Variants in FBXO4 observed in about 807,000 individuals in gnomAD.
FBXO4 encodes the protein F-box only protein 4.
In FBXO4, 36 loss-of-function variants were observed where a neutral mutation model predicts 43.7. The observed-to-expected ratio is 0.82, with a 90% CI of 0.63 to 1.09. The LOEUF is 1.09. Ranked by LOEUF, FBXO4 falls within the 50% of genes least tolerant of loss-of-function variation. FBXO4 has a pLI of 0.00. For missense variants in FBXO4, 435 were observed against 474.1 expected (o/e 0.92, Z 0.77); for synonymous variants, 180 against 165.6 (o/e 1.09, Z -0.67).
the FBXO4 span, among the ~76,000 whole-genome samples, chr5:41,954,364 A>G: frequency 5.9e-5 from 9 of 152,344 alleles, no homozygotes; most frequent in East Asian, 1.2e-3. Context: ...AGAAACAATA[A>G]CAATTCTATT....
the FBXO4 span, among the ~76,000 whole-genome samples, chr5:42,023,071 C>T: frequency 6.6e-6 from 1 of 151,970 alleles, no homozygotes; most frequent in Non-Finnish European, 1.5e-5. Flanking sequence ...TGATGCACTC[C>T]ATTGTCTGAC....
chr5:41,989,341 C>T, the FBXO4 span, among the ~76,000 whole-genome samples: 1 of 152,030 alleles, frequency 6.6e-6, no homozygotes, highest in African/African-American at 2.4e-5. Context: ...TTTACAGTAG[C>T]ATTTTAAAGC....
At chr5:41,999,469 A>ATATATATATG in the FBXO4 span, among the ~76,000 whole-genome samples, 21 of 37,110 alleles carry the variant, frequency 5.7e-4, no homozygotes, top group African/African-American at 1.5e-3. Context: ...GTGTGTGTAT[A>ATATATATATG]TATATATACA....
the FBXO4 span, among the ~76,000 whole-genome samples, chr5:41,973,981 A>G: frequency 6.6e-6 from 1 of 152,172 alleles, no homozygotes; most frequent in Non-Finnish European, 1.5e-5. Flanking sequence ...TCTATTTGAA[A>G]GATATTATTA....
downstream of FBXO4, among the ~76,000 whole-genome samples, chr5:41,944,414 A>T (rs992130578): frequency 6.6e-6 from 1 of 152,192 alleles, no homozygotes; most frequent in African/African-American, 2.4e-5. Flanking sequence ...AAGGCCTAAA[A>T]TTTCTAGCCT....
the FBXO4 span, among the ~76,000 whole-genome samples, chr5:42,024,104 C>G: frequency 6.6e-6 from 1 of 152,020 alleles, no homozygotes; most frequent in Non-Finnish European, 1.5e-5. Context: ...CTTTCTTCAT[C>G]AGCCTTCACT....
chr5:42,033,272 T>C, the FBXO4 span, among the ~76,000 whole-genome samples: 1 of 152,168 alleles, frequency 6.6e-6, no homozygotes, highest in African/African-American at 2.4e-5. Flanking sequence ...CACTGTCTCT[T>C]GTCCCAGTTC....
At chr5:41,996,196 C>T in the FBXO4 span, among the ~76,000 whole-genome samples, 11 of 152,144 alleles carry the variant, frequency 7.2e-5, no homozygotes, top group Admixed American at 3.9e-4. Context: ...CGAGCCTGAT[C>T]ACATATATAC....
In FBXO4 at chr5:41,941,246, A is replaced by G; in HGVS notation, c.1129A>G (p.Ile377Val). 3.7e-6 allele frequency: 6 copies of G among 1,613,786 alleles called. 1 individual carries two copies. The change falls in exon 7 of 7, where the codon ATT becomes GTT. Residue 377 changes from isoleucine to valine, a missense_variant. Physicochemically the swap from Ile to Val is conservative, Grantham distance 29. Transcript: ENST00000281623. Reference protein sequence around the residue: ...LTGFLNGIEWILEEVESKRAR With the variant: ...LTGFLNGIEWVLEEVESKRAR ...TGGTTTTTTGAATGGCATTGAGTGG[A>G]TTCTTGAAGAAGTGGAATCTAAGCG...
At chr5:41,945,727 A>G (rs1490818105), downstream of FBXO4, among the ~76,000 whole-genome samples, 3 of 152,178 alleles carry the variant, frequency 2.0e-5, no homozygotes, top group East Asian at 3.8e-4. Flanking sequence ...AGATAGGGCT[A>G]TATCTCATCT....
chr5:41,981,359 G>C, the FBXO4 span, among the ~76,000 whole-genome samples: 2 of 151,358 alleles, frequency 1.3e-5, no homozygotes, highest in Admixed American at 6.6e-5. Flanking sequence ...AAACTTCAGG[G>C]GTTCAGTATA....
At chr5:42,013,431 A>C in the FBXO4 span, among the ~76,000 whole-genome samples, 1 of 152,190 alleles carries the variant, frequency 6.6e-6, no homozygotes, top group African/African-American at 2.4e-5. Flanking sequence ...TACCACTCAA[A>C]TGGTCTTATT....
chr5:41,934,971 C>G, intron 5 of FBXO4: 1 of 982,112 alleles, frequency 1.0e-6, no homozygotes, highest in East Asian at 1.1e-4. Context: ...CTCTAATACA[C>G]TGGTTTGAAT....
the FBXO4 span, among the ~76,000 whole-genome samples, chr5:42,010,370 T>C: frequency 6.6e-6 from 1 of 152,034 alleles, no homozygotes; most frequent in African/African-American, 2.4e-5. Flanking sequence ...TAGCCGGGCA[T>C]GGTAGCACGT....
At chr5:41,959,993 A>G in the FBXO4 span, among the ~76,000 whole-genome samples, 38 of 152,002 alleles carry the variant, frequency 2.5e-4, no homozygotes, top group African/African-American at 7.0e-4. Context: ...ATCCATTAAC[A>G]TGGGATATCT....
At chr5:41,927,619 C>G (rs1221598754) in intron 2 of FBXO4, among the ~76,000 whole-genome samples, 1 of 152,162 alleles carries the variant, frequency 6.6e-6, no homozygotes, top group Non-Finnish European at 1.5e-5. Context: ...AAGAAGAAAA[C>G]CATTCTAAAG....
the FBXO4 span, among the ~76,000 whole-genome samples, chr5:41,953,099 A>G: frequency 1.3e-5 from 2 of 151,502 alleles, no homozygotes; most frequent in Non-Finnish European, 2.9e-5. Flanking sequence ...GCACCCATTA[A>G]CTCGTCATTT....
At chr5:41,958,226 C>T in the FBXO4 span, among the ~76,000 whole-genome samples, 6 of 151,796 alleles carry the variant, frequency 4.0e-5, no homozygotes, top group Non-Finnish European at 7.4e-5. Context: ...GCTCCGCCTC[C>T]CGGGTTCACG....
the FBXO4 span, among the ~76,000 whole-genome samples, chr5:41,987,353 C>T: frequency 6.6e-6 from 1 of 152,164 alleles, no homozygotes; most frequent in Non-Finnish European, 1.5e-5. Context: ...CTGACCTCCC[C>T]TAACCTGGGA....
Sources: gnomAD v4.1 joint callset for allele counts (sites outside exome capture counted in the v4.1 genomes callset) on GRCh38, gnomAD v4.1.1 for gene constraint, MANE v1.5 for transcripts, NCBI Gene and HGNC (gene_info 2026-07-23, HGNC 2026-07-21) for gene names.